Variants in CCDC102B observed in about 807,000 individuals in gnomAD.
CCDC102B encodes coiled-coil domain containing 102B.
CCDC102B carries 75 observed loss-of-function variants against 57.4 expected under a neutral mutation model. The ratio of observed to expected loss-of-function variants is 1.31; its 90% CI spans 1.08 to 1.58. The LOEUF is 1.58. CCDC102B is among the 40% of genes most tolerant of loss of function. The probability of loss-of-function intolerance (pLI) is 0.00; values close to 1 mark genes in which losing one functional copy is unlikely to be tolerated. For synonymous variants in CCDC102B, 206 were observed against 201.9 expected, an observed-to-expected ratio of 1.02 and a Z score of -0.17; for missense variants, 636 against 582.6, an observed-to-expected ratio of 1.09 and a Z score of -0.94.
chr18:68,776,125 G>A (rs1462886414), intron 2 of CCDC102B, among the ~76,000 whole-genome samples: 2 of 151,938 alleles, frequency 1.3e-5, no homozygotes, highest in Non-Finnish European at 2.9e-5. Flanking sequence ...CTATTTCATA[G>A]TTTCCATCTT....
At chr18:68,743,906 G>A (rs915002407) in intron 2 of CCDC102B, among the ~76,000 whole-genome samples, 3 of 152,070 alleles carry the variant, frequency 2.0e-5, no homozygotes, top group Non-Finnish European at 2.9e-5. Flanking sequence ...GAGTGTGAGC[G>A]GAAAAAGAAA....
chr18:68,728,072 C>T (rs2032680947), intron 2 of CCDC102B, among the ~76,000 whole-genome samples: 1 of 152,116 alleles, frequency 6.6e-6, no homozygotes, highest in South Asian at 2.1e-4. Flanking sequence ...TGCTTTAGTT[C>T]AATCTCTTGA....
intron 1 of CCDC102B, among the ~76,000 whole-genome samples, chr18:68,818,956 T>C (rs2036593863): frequency 6.6e-6 from 1 of 152,198 alleles, no homozygotes; most frequent in Middle Eastern, 3.4e-3. Flanking sequence ...TAGCATGTTA[T>C]TGAAAAATCA....
intron 4 of CCDC102B, among the ~76,000 whole-genome samples, chr18:68,861,998 C>T (rs1402679054): frequency 6.6e-6 from 1 of 152,106 alleles, no homozygotes; most frequent in Non-Finnish European, 1.5e-5. Flanking sequence ...CTTCTTTCTA[C>T]TGATTGAACA....
At chr18:68,800,050 G>A (rs1447444387) in intron 1 of CCDC102B, among the ~76,000 whole-genome samples, 1 of 152,040 alleles carries the variant, frequency 6.6e-6, no homozygotes, top group Non-Finnish European at 1.5e-5. Context: ...TTTTCTGCTT[G>A]CAAGGTGATT....
intron 6 of CCDC102B, among the ~76,000 whole-genome samples, chr18:68,901,066 T>TTA (rs2040432954): frequency 6.6e-6 from 1 of 152,106 alleles, no homozygotes; most frequent in Non-Finnish European, 1.5e-5. Flanking sequence ...TTGCAGGACA[T>TTA]TATAGAAGCA....
At chr18:69,051,096 G>A (rs1568151303) in intron 7 of CCDC102B, among the ~76,000 whole-genome samples, 1 of 152,036 alleles carries the variant, frequency 6.6e-6, no homozygotes, top group African/African-American at 2.4e-5. Flanking sequence ...CATTGTCCAG[G>A]CAGGTCTTGA....
intron 6 of CCDC102B, among the ~76,000 whole-genome samples, chr18:69,008,113 C>T (rs1191540716): frequency 6.6e-6 from 1 of 152,178 alleles, no homozygotes; most frequent in Non-Finnish European, 1.5e-5. Context: ...ATTATTTGTG[C>T]AGCAAATTCT....
intron 6 of CCDC102B, among the ~76,000 whole-genome samples, chr18:68,905,974 T>C (rs1203421997): frequency 6.6e-6 from 1 of 151,836 alleles, no homozygotes; most frequent in Non-Finnish European, 1.5e-5. Context: ...TTTGTATTTT[T>C]AGTAGAGACG....
rs28421667 is a variant in CCDC102B, at chr18:68,734,334, C to T, written c.-67+17740C>T. Among the ~76,000 whole-genome samples, 47 of 152,126 alleles carry T rather than the reference C, an allele frequency of 3.1e-4. 1 individual carries two copies. Among genetic ancestry groups the T allele is most frequent in the African/African-American group, 9.9e-4 (41 of 41,428 alleles). ...TGTAAGTTTTTTTTATTACCAGAGG[C>T]TGCAGCGTTAGGGGTGTAGAGATTA... is the stretch of plus-strand genomic sequence containing the variant. On this transcript the variant is annotated intron_variant, in intron 2 of 3. Transcript: ENST00000578970.
chr18:69,004,221 GGA>G (rs1437389416), intron 6 of CCDC102B, among the ~76,000 whole-genome samples: 2 of 152,150 alleles, frequency 1.3e-5, no homozygotes, highest in African/African-American at 4.8e-5. Context: ...AGCAGATTCT[GGA>G]GATATCAACA....
chr18:68,999,360 G>A (rs544028152), intron 6 of CCDC102B, among the ~76,000 whole-genome samples: 1 of 151,888 alleles, frequency 6.6e-6, no homozygotes, highest in Non-Finnish European at 1.5e-5. Context: ...ACTTTGGGAG[G>A]CTGAGGCGGA....
chr18:68,910,119 A>G (rs1333056289), intron 6 of CCDC102B, among the ~76,000 whole-genome samples: 1 of 152,078 alleles, frequency 6.6e-6, no homozygotes, highest in Non-Finnish European at 1.5e-5. Flanking sequence ...ACGGTGAAAC[A>G]CCGTGTCTAC....
chr18:68,808,664 G>C (rs1021313840), intron 1 of CCDC102B, among the ~76,000 whole-genome samples: 2 of 151,890 alleles, frequency 1.3e-5, no homozygotes, highest in African/African-American at 4.8e-5. Context: ...ATTTTTAGTA[G>C]AGACAGGGTT....
intron 1 of CCDC102B, among the ~76,000 whole-genome samples, chr18:68,827,148 C>T (rs1009595890): frequency 7.2e-5 from 11 of 151,816 alleles, no homozygotes; most frequent in African/African-American, 1.9e-4. Flanking sequence ...CTATTAAAAG[C>T]GAGAACTACC....
rs146554795 is a variant in CCDC102B at position 68,720,441 on chromosome 18, A to G, written c.-67+3847A>G. Among the ~76,000 whole-genome samples the G allele has an allele frequency of 2.9e-3, 449 of 152,340 alleles. 1 individual carries two copies. The highest frequency in any genetic ancestry group is 0.01 in the African/African-American group (436 of 41,572). ...GATTTTGCAGCAGTAATATACATAT[A>G]TGACTAGGAAAATATTTAAAAACTC... On this transcript the variant is annotated intron_variant, in intron 2 of 3. Transcript: ENST00000578970.
intron 6 of CCDC102B, among the ~76,000 whole-genome samples, chr18:68,962,265 C>T (rs888056226): frequency 1.3e-5 from 2 of 152,046 alleles, no homozygotes; most frequent in South Asian, 2.1e-4. Context: ...TTTAGTTCTG[C>T]ACTCTGCATG....
intron 6 of CCDC102B, among the ~76,000 whole-genome samples, chr18:68,909,668 A>G (rs2145065493): frequency 6.6e-6 from 1 of 152,320 alleles, no homozygotes; most frequent in Middle Eastern, 3.4e-3. Context: ...TTTTGAGATT[A>G]ATAAATTTAG....
intron 6 of CCDC102B, among the ~76,000 whole-genome samples, chr18:68,997,306 A>G (rs1451972509): frequency 6.6e-6 from 1 of 152,186 alleles, no homozygotes; most frequent in African/African-American, 2.4e-5. Context: ...CTATATACTT[A>G]CAATTCTAAT....
Sources: gnomAD v4.1 joint callset for allele counts (sites outside exome capture counted in the v4.1 genomes callset) on GRCh38, gnomAD v4.1.1 for gene constraint, MANE v1.5 for transcripts, NCBI Gene and HGNC (gene_info 2026-07-23, HGNC 2026-07-21) for gene names.